Variants in LRP1B observed in about 807,000 individuals in gnomAD.
The protein encoded by LRP1B is LDL receptor related protein 1B.
Under a neutral mutation model 556.6 loss-of-function variants are expected in LRP1B, and 217 were observed. That is an observed-to-expected ratio of 0.39 (90% CI 0.35 to 0.44). The LOEUF is 0.44. LRP1B is among the 20% of genes least tolerant of loss of function. The probability of loss-of-function intolerance (pLI) is 1.00; values close to 1 mark genes in which losing one functional copy is unlikely to be tolerated. For missense variants in LRP1B, 5,053 were observed against 5,620.8 expected (o/e 0.90, Z 3.23); for synonymous variants, 2,047 against 1,865.8 (o/e 1.10, Z -2.50).
intron 3 of LRP1B, among the ~76,000 whole-genome samples, chr2:141,285,494 C>T (rs1446986095): frequency 2.6e-5 from 3 of 117,362 alleles, no homozygotes; most frequent in East Asian, 4.8e-4. Context: ...GTTGTTCTGT[C>T]GCCCAGGGTG....
intron 7 of LRP1B, among the ~76,000 whole-genome samples, chr2:141,175,790 A>G (rs1680707306): frequency 6.6e-6 from 1 of 152,082 alleles, no homozygotes; most frequent in Non-Finnish European, 1.5e-5. Flanking sequence ...TGCACCATGC[A>G]CCTGGAAAAG....
In LRP1B at chr2:141,202,212, T is replaced by A. The variant is rs1682057038; in HGVS notation, c.851-13629A>T. Among the ~76,000 whole-genome samples the A allele has an allele frequency of 2.7e-5, 4 of 150,128 alleles. 1 individual carries two copies. In the Admixed American group the frequency reaches 2.7e-4, roughly 10 times the overall value. ...CTTGTGACTGAGAACTCCAGCTCCA[T>A]CCATGTTACTGCAAAGGATATGATC... On this transcript the variant is annotated intron_variant, in intron 6 of 90. Coordinates refer to ENST00000389484, the MANE Select transcript of LRP1B (RefSeq NM_018557.3).
At chr2:141,534,593 C>T (rs937676610) in intron 2 of LRP1B, among the ~76,000 whole-genome samples, 1 of 152,086 alleles carries the variant, frequency 6.6e-6, no homozygotes, top group African/African-American at 2.4e-5. Flanking sequence ...TCAACACACA[C>T]AGAACAGGGA....
chr2:141,763,508 C>A (rs1440332305), intron 2 of LRP1B, among the ~76,000 whole-genome samples: 1 of 152,070 alleles, frequency 6.6e-6, no homozygotes, highest in East Asian at 1.9e-4. Flanking sequence ...AAACAGAACA[C>A]AAGTATCTCT....
chr2:141,404,611 T>C (rs191675773), intron 3 of LRP1B, among the ~76,000 whole-genome samples: 29 of 152,132 alleles, frequency 1.9e-4, no homozygotes, highest in African/African-American at 4.8e-4. Context: ...GAAAAATACA[T>C]TTGGTTCAAT....
chr2:142,044,107 CTT>C (rs1285426898), intron 1 of LRP1B, among the ~76,000 whole-genome samples: 1 of 151,688 alleles, frequency 6.6e-6, no homozygotes, highest in African/African-American at 2.4e-5. Flanking sequence ...AAACTTTAGA[CTT>C]AATTCTTATC....
chr2:140,653,077 A>G (rs920612202), intron 41 of LRP1B, among the ~76,000 whole-genome samples: 4 of 152,142 alleles, frequency 2.6e-5, no homozygotes, highest in Non-Finnish European at 5.9e-5. Flanking sequence ...AGCATCATCA[A>G]GACAATAGAA....
At chr2:140,633,342 A>C (rs905395006) in intron 41 of LRP1B, among the ~76,000 whole-genome samples, 5 of 152,148 alleles carry the variant, frequency 3.3e-5, no homozygotes, top group African/African-American at 1.2e-4. Flanking sequence ...TTAGAGGAAA[A>C]TTTATTGCAT....
chr2:140,415,731 C>T (rs554660649), intron 66 of LRP1B, among the ~76,000 whole-genome samples: 1 of 152,292 alleles, frequency 6.6e-6, no homozygotes, highest in African/African-American at 2.4e-5. Flanking sequence ...GAGCAGACAT[C>T]CTGCCTGTGT....
chr2:140,614,345 T>C (rs999884185), intron 41 of LRP1B, among the ~76,000 whole-genome samples: 6 of 152,096 alleles, frequency 3.9e-5, no homozygotes, highest in Non-Finnish European at 8.8e-5. Context: ...ATTTCAGAGA[T>C]TTAAGGTTTA....
intron 7 of LRP1B, among the ~76,000 whole-genome samples, chr2:141,145,006 C>G (rs1195956047): frequency 6.6e-6 from 1 of 152,190 alleles, no homozygotes; most frequent in Non-Finnish European, 1.5e-5. Context: ...GCTGAGCAAA[C>G]AGACAAATTG....
intron 2 of LRP1B, among the ~76,000 whole-genome samples, chr2:141,719,587 G>C (rs766775138): frequency 1.3e-5 from 2 of 152,162 alleles, no homozygotes; most frequent in African/African-American, 2.4e-5. Flanking sequence ...TTTTGGAGGG[G>C]AGGAGAAGGG....
At chr2:141,751,485 A>G (rs546789238) in intron 2 of LRP1B, among the ~76,000 whole-genome samples, 9 of 152,208 alleles carry the variant, frequency 5.9e-5, no homozygotes, top group Non-Finnish European at 1.3e-4. Flanking sequence ...TCAGGAAGGC[A>G]TATAGAATAT....
At chr2:141,413,315 A>G (rs1276567590) in intron 3 of LRP1B, among the ~76,000 whole-genome samples, 1 of 152,138 alleles carries the variant, frequency 6.6e-6, no homozygotes, top group Non-Finnish European at 1.5e-5. Flanking sequence ...CATGGAGAAC[A>G]TTACCTAGCT....
At chr2:140,634,862 ATGT>A (rs2105284810) in intron 41 of LRP1B, among the ~76,000 whole-genome samples, 1 of 152,206 alleles carries the variant, frequency 6.6e-6, no homozygotes, top group East Asian at 1.9e-4. Flanking sequence ...ACTAAATGTA[ATGT>A]TGTATCCTGG....
chr2:141,975,751 T>G (rs566132301), intron 1 of LRP1B, among the ~76,000 whole-genome samples: 1 of 152,266 alleles, frequency 6.6e-6, no homozygotes, highest in Admixed American at 6.5e-5. Context: ...ATGAAGGGAA[T>G]GAAGCCATAT....
Position 141,247,215 on chromosome 2 carries a change from T to A in LRP1B, c.592+11A>T, listed in dbSNP as rs371012414. 6.8e-6 allele frequency: 11 copies of A among 1,613,320 alleles called. No individual in the cohort carries two copies. The highest frequency in any genetic ancestry group is 6.6e-5 in the South Asian group (6 of 91,066). On this transcript the variant is annotated intron_variant, in intron 5 of 90. Coordinates refer to ENST00000389484, the MANE Select transcript of LRP1B (RefSeq NM_018557.3). ...TTCTGGAAAGACAAAAAATAAATGG[T>A]CATAACTTACCAATTTTAGCCTTGC...
Position 140,702,481 on chromosome 2 carries a change from A to C in LRP1B, c.6096T>G (p.Val2032=). The C allele has an allele frequency of 6.2e-7, 1 of 1,613,602 alleles. No homozygotes were observed. Among genetic ancestry groups the C allele is most frequent in the Non-Finnish European group, 8.5e-7 (1 of 1,179,686 alleles). The change falls in exon 38 of 91, where the codon GTT becomes GTG. Residue 2032 remains valine, a synonymous_variant. Coordinates refer to ENST00000389484, the MANE Select transcript of LRP1B (RefSeq NM_018557.3). ...GKARLDGSEK[V]VLVSMGIAWP... is the part of the protein sequence containing the mutation. ...ATGCTATTCCCATGCTTACAAGGAC[A>C]ACCTTCTCTGAGCCATCCAAGCGAG...
chr2:141,701,491 T>G (rs1020096099), intron 2 of LRP1B, among the ~76,000 whole-genome samples: 10 of 151,810 alleles, frequency 6.6e-5, no homozygotes, highest in South Asian at 2.1e-4. Flanking sequence ...GTCCCTTGAC[T>G]CAGCATATCT....
Sources: allele counts gnomAD v4.1 joint callset (sites outside exome capture counted in the v4.1 genomes callset), GRCh38; gene constraint gnomAD v4.1.1; transcripts MANE v1.5; gene names NCBI Gene and HGNC (gene_info 2026-07-23, HGNC 2026-07-21).